Variants in ZFP90 observed in about 807,000 individuals in gnomAD.
ZFP90 encodes the protein zinc finger protein 90 homolog.
A neutral mutation model predicts 60.8 loss-of-function variants in ZFP90; 38 were observed. The observed-to-expected ratio is 0.62, with a 90% CI of 0.48 to 0.82. The LOEUF is 0.82. Among genes scored for constraint, ZFP90 ranks in the 40% least tolerant of loss-of-function variants. The probability of loss-of-function intolerance (pLI) is 0.00; values close to 1 mark genes in which losing one functional copy is unlikely to be tolerated. For missense variants in ZFP90, 711 were observed against 759.1 expected (o/e 0.94, Z 0.74); for synonymous variants, 287 against 264.8 (o/e 1.08, Z -0.82).
intron 2 of ZFP90, among the ~76,000 whole-genome samples, chr16:68,552,897 AG>A (rs1671045488): frequency 6.6e-6 from 1 of 152,032 alleles, no homozygotes; most frequent in Admixed American, 6.6e-5. Flanking sequence ...TCTCTACAAA[AG>A]TAAAAAAAAT....
intron 2 of ZFP90, among the ~76,000 whole-genome samples, chr16:68,543,863 CT>C (rs34492203): frequency 0.74 from 94,495 of 127,204 alleles, 34,604 homozygotes; most frequent in East Asian, 0.8. Flanking sequence ...CTGGCCTGCC[CT>C]TTTTTTTTTT....
Position 68,565,399 on chromosome 16 carries a change from T to C in ZFP90, c.*701T>C. 1 of 985,626 alleles carries C rather than the reference T, an allele frequency of 1.0e-6. No individual in the cohort carries two copies. The highest frequency in any genetic ancestry group is 4.7e-5 in the South Asian group (1 of 21,290). The allele number at this position is 985,626 out of a possible 1,614,324, so 61.1% of individuals were successfully genotyped here. ...AAACATTTAATGGGCACCTATGGGT[T>C]GGACACTTTGAGAATTCTTAAAAGT... On this transcript the variant is annotated 3_prime_UTR_variant, in exon 5 of 5. Transcript: ENST00000563169.
At chr16:68,548,385 T>G (rs1049860811) in intron 2 of ZFP90, among the ~76,000 whole-genome samples, 1 of 152,006 alleles carries the variant, frequency 6.6e-6, no homozygotes, top group African/African-American at 2.4e-5. Context: ...GTGTAAACAT[T>G]GGTAGTTTAG....
chr16:68,574,171 A>G (rs2152079415), intron 2 of ZFP90: 1 of 143,616 alleles, frequency 7.0e-6, no homozygotes, highest in Non-Finnish European at 1.5e-5. Flanking sequence ...GATAAGTTGA[A>G]CCATATGAAA....
At chr16:68,575,853 C>T (rs2091591772) in exon 3 of ZFP90, 1 of 398,272 alleles carries the variant, frequency 2.5e-6, no homozygotes, top group South Asian at 1.3e-4. Flanking sequence ...AAGACAGAAA[C>T]TTCCAAGAAA....
chr16:68,547,235 G>C (rs1868999807), intron 2 of ZFP90, among the ~76,000 whole-genome samples: 2 of 152,068 alleles, frequency 1.3e-5, no homozygotes, highest in South Asian at 4.1e-4. Flanking sequence ...GTGCACAAAG[G>C]GTTCTAATTT....
downstream of ZFP90, among the ~76,000 whole-genome samples, chr16:68,568,634 A>G (rs892649348): frequency 6.6e-6 from 1 of 152,226 alleles, no homozygotes; most frequent in Non-Finnish European, 1.5e-5. Flanking sequence ...GAGTAAAAAT[A>G]TGAACACAAC....
intron 2 of ZFP90, among the ~76,000 whole-genome samples, chr16:68,540,231 C>T (rs1246163970): frequency 6.6e-6 from 1 of 152,016 alleles, no homozygotes; most frequent in Non-Finnish European, 1.5e-5. Context: ...ACCCAGGGCC[C>T]ATAGAGAGTC....
At chr16:68,542,784 GTTCA>G (rs1429621908) in intron 2 of ZFP90, among the ~76,000 whole-genome samples, 2 of 152,112 alleles carry the variant, frequency 1.3e-5, no homozygotes, top group African/African-American at 4.8e-5. Context: ...CTTGTAACTC[GTTCA>G]TTCATCATTC....
Position 68,566,552 on chromosome 16 carries a change from TTA to T in ZFP90, c.*1855_*1856del. On this transcript the variant is annotated 3_prime_UTR_variant, in exon 5 of 5. Coordinates refer to ENST00000563169, the MANE Select transcript of ZFP90 (RefSeq NM_001305203.2). ...CTGAAATGTAATATGTGTAGCTCAA[TTA>T]GTCTCTCCTCTGTGATGCAAAATGG... 2 of 985,540 alleles carry T rather than the reference TTA, an allele frequency of 2.0e-6. No homozygotes were observed. The highest frequency in any genetic ancestry group is 9.4e-5 in the South Asian group (2 of 21,280). The allele number at this position is 985,540 out of a possible 1,614,324, so 61.0% of individuals were successfully genotyped here. A position where few individuals can be genotyped will look rare whatever the true frequency, so the allele number is the denominator to read the frequency against.
chr16:68,565,787 T>A lies in ZFP90; in HGVS notation c.*1089T>A, dbSNP rs1171404031. The stretch of plus-strand genomic sequence containing the variant: ...TTGCCTTGTACTCAGAGAAGCAACA[T>A]GCACTGGCTCATTTTATGTGCAAAG... On this transcript the variant is annotated 3_prime_UTR_variant, in exon 5 of 5. Coordinates refer to ENST00000563169, the MANE Select transcript of ZFP90 (RefSeq NM_001305203.2). The A allele has an allele frequency of 4.1e-6, 4 of 985,334 alleles. No individual in the cohort carries two copies. The highest frequency in any genetic ancestry group is 4.8e-6 in the Non-Finnish European group (4 of 829,928). 61.0% of individuals were successfully genotyped at this position (985,334 alleles called of 1,614,324 possible).
chr16:68,552,872 C>T lies in ZFP90; in HGVS notation c.34-5126C>T, dbSNP rs1335181077. Among the ~76,000 whole-genome samples the T allele has an allele frequency of 4.6e-5, 7 of 152,156 alleles. No individual in the cohort carries two copies. In the East Asian group the frequency reaches 1.4e-3, roughly 29 times the overall value. ...TAAGTTCATAGACCAGCCTGGGCAA[C>T]ATAGAGAAACCCTATCTCTACAAAA... On this transcript the variant is annotated intron_variant, in intron 2 of 4. Coordinates refer to ENST00000563169, the MANE Select transcript of ZFP90 (RefSeq NM_001305203.2).
rs772607210 is a variant in ZFP90 at position 68,558,553 on chromosome 16, C to T, written c.241C>T (p.Arg81Ter). ...ATGGATATCAGAGGGAGAAATCCAA[C>T]GACCTTTCTATCCAGGTAAATGAGT... ...EPWISEGEIQ[R>*]PFYPDWKTRP... The change falls in exon 4 of 5, where the codon CGA becomes TGA. Residue 81 changes from arginine (R) to a stop codon, truncating the protein, a stop_gained. Coordinates refer to ENST00000563169, the MANE Select transcript of ZFP90 (RefSeq NM_001305203.2). LOFTEE classifies it high-confidence loss of function. The T allele has an allele frequency of 8.1e-6, 13 of 1,613,732 alleles. No homozygotes were observed. The highest frequency in any genetic ancestry group is 1.1e-5 in the South Asian group (1 of 91,072).
In ZFP90 at chr16:68,564,329, G is replaced by A. The variant is rs372565474; in HGVS notation, c.1542G>A (p.Glu514=). The A allele has an allele frequency of 6.2e-7, 1 of 1,613,896 alleles. No individual in the cohort carries two copies. The highest frequency in any genetic ancestry group is 8.5e-7 in the Non-Finnish European group (1 of 1,180,010). The change falls in exon 5 of 5, where the codon GAG becomes GAA. Residue 514 remains glutamate, a synonymous_variant. Coordinates refer to ENST00000563169, the MANE Select transcript of ZFP90 (RefSeq NM_001305203.2). The part of the protein sequence containing the change: ...KAFKRSTSFI[E]HHRIHTGEKP... ...TCAAAAGGAGTACAAGTTTCATAGA[G>A]CATCACAGAATTCATACTGGAGAGA...
chr16:68,539,846 C>T, intron 2 of ZFP90, 21 bp downstream of exon 2: 1 of 1,605,348 alleles, frequency 6.2e-7, no homozygotes, highest in Non-Finnish European at 8.5e-7. Context: ...CGTTCCTAAC[C>T]TCCTGGGCAT....
upstream of ZFP90, among the ~76,000 whole-genome samples, chr16:68,536,886 A>G (rs956912318): frequency 6.6e-6 from 1 of 152,144 alleles, no homozygotes; most frequent in African/African-American, 2.4e-5. Context: ...AATGGCTCTC[A>G]TCACACTCAA....
chr16:68,575,838 G>A (rs540108817), exon 3 of ZFP90: 27 of 398,346 alleles, frequency 6.8e-5, no homozygotes, highest in African/African-American at 1.4e-4. Flanking sequence ...GAGTAAGGGC[G>A]AAAGAAGACA....
chr16:68,572,634 T>C (rs2091574131), intron 2 of ZFP90, among the ~76,000 whole-genome samples: 2 of 152,262 alleles, frequency 1.3e-5, no homozygotes, highest in African/African-American at 4.8e-5. Context: ...ATGAAGCCCC[T>C]ACCCTGCCCC....
In ZFP90 at chr16:68,564,706, G is replaced by T; in HGVS notation, c.*8G>T. The T allele has an allele frequency of 6.3e-7, 1 of 1,581,636 alleles. No individual in the cohort carries two copies. The highest frequency in any genetic ancestry group is 8.6e-7 in the Non-Finnish European group (1 of 1,167,562). ...ACTCGAAATAAACTCTAGGAACCGT[G>T]AAATTAAGGAATTTGCAGAATGCTT... is the stretch of plus-strand genomic sequence containing the variant. On this transcript the variant is annotated 3_prime_UTR_variant, in exon 5 of 5. Coordinates refer to ENST00000563169, the MANE Select transcript of ZFP90 (RefSeq NM_001305203.2).
Sources: allele counts gnomAD v4.1 joint callset (sites outside exome capture counted in the v4.1 genomes callset), GRCh38; gene constraint gnomAD v4.1.1; transcripts MANE v1.5; gene names NCBI Gene and HGNC (gene_info 2026-07-23, HGNC 2026-07-21).